Variants in EPHA6 observed in about 807,000 individuals in gnomAD.
EPHA6 encodes the protein EPH receptor A6, also known as ephrin type-A receptor 6.
In EPHA6, 50 loss-of-function variants were observed where a neutral mutation model predicts 112.0. The observed-to-expected ratio is 0.45, with a 90% CI of 0.36 to 0.56. EPHA6 has a LOEUF of 0.56. Ranked by LOEUF, EPHA6 falls within the 20% of genes least tolerant of loss-of-function variation. The pLI, the probability that EPHA6 is intolerant of heterozygous loss-of-function variation, is 0.00. For synonymous variants in EPHA6, 529 were observed against 490.7 expected, an observed-to-expected ratio of 1.08 and a Z score of -1.03; for missense variants, 1,280 against 1,417.4, an observed-to-expected ratio of 0.90 and a Z score of 1.56.
intron 5 of EPHA6, among the ~76,000 whole-genome samples, chr3:97,336,417 T>C (rs1159857162): frequency 6.6e-6 from 1 of 152,184 alleles, no homozygotes; most frequent in East Asian, 1.9e-4. Flanking sequence ...AAGAGCATTC[T>C]GCTGTCATTA....
chr3:97,646,620 G>A (rs982006883), intron 14 of EPHA6, among the ~76,000 whole-genome samples: 1 of 152,092 alleles, frequency 6.6e-6, no homozygotes, highest in African/African-American at 2.4e-5. Flanking sequence ...CATTCCATGA[G>A]GAAAACAGCA....
intron 6 of EPHA6, chr3:97,441,594 G>GA (rs199751412): frequency 3.4e-5 from 7 of 202,908 alleles, no homozygotes; most frequent in South Asian, 1.7e-4. Context: ...ATTGCAATAA[G>GA]AAAAAAAATA....
At chr3:97,614,453 G>C (rs1450794624) in intron 13 of EPHA6, among the ~76,000 whole-genome samples, 2 of 147,336 alleles carry the variant, frequency 1.4e-5, no homozygotes, top group African/African-American at 5.0e-5. Context: ...TCCTGCCTCA[G>C]CCTCCCAAGT....
At chr3:96,889,577 C>T (rs1450653472) in intron 2 of EPHA6, among the ~76,000 whole-genome samples, 2 of 152,100 alleles carry the variant, frequency 1.3e-5, no homozygotes, top group Non-Finnish European at 2.9e-5. Flanking sequence ...GGGAAACCAC[C>T]TCAATGATTC....
chr3:97,698,222 G>A (rs2033161086), intron 14 of EPHA6, among the ~76,000 whole-genome samples: 1 of 152,096 alleles, frequency 6.6e-6, no homozygotes, highest in Non-Finnish European at 1.5e-5. Context: ...GGCTGGTCTG[G>A]AACTCCTGAC....
At chr3:97,041,148 A>G (rs1431680577) in intron 3 of EPHA6, among the ~76,000 whole-genome samples, 2 of 152,182 alleles carry the variant, frequency 1.3e-5, no homozygotes, top group Admixed American at 1.3e-4. Context: ...GTCAAAAACA[A>G]CGAAATCAAT....
chr3:97,561,453 A>G (rs1018951059), intron 11 of EPHA6, among the ~76,000 whole-genome samples: 3 of 152,088 alleles, frequency 2.0e-5, no homozygotes, highest in Non-Finnish European at 4.4e-5. Flanking sequence ...AGATCAAACC[A>G]CAACATTCCC....
rs116504105 is a variant in EPHA6, at chr3:96,912,325, A to G, written c.450+45436A>G. Among the ~76,000 whole-genome samples, 800 of 152,298 alleles carry G rather than the reference A, an allele frequency of 5.3e-3. 7 individuals are homozygous for G. Among genetic ancestry groups the G allele is most frequent in the African/African-American group, 0.019 (781 of 41,570 alleles). ...CTGGGGTGAACATTCTGAGTAAGTCAGGAACTAATTGCCAATCAATAGTGA... is the reference window on the plus strand; with the variant it reads ...CTGGGGTGAACATTCTGAGTAAGTCGGGAACTAATTGCCAATCAATAGTGA... On this transcript the variant is annotated intron_variant, in intron 2 of 17. Transcript: ENST00000389672.
At chr3:96,931,093 T>C (rs2040302225) in intron 2 of EPHA6, among the ~76,000 whole-genome samples, 1 of 151,456 alleles carries the variant, frequency 6.6e-6, no homozygotes, top group African/African-American at 2.4e-5. Flanking sequence ...CTGATTGTTA[T>C]GGGTTTTCCA....
At chr3:97,260,163 G>C (rs2079453199) in intron 5 of EPHA6, among the ~76,000 whole-genome samples, 1 of 152,192 alleles carries the variant, frequency 6.6e-6, no homozygotes, top group Admixed American at 6.5e-5. Flanking sequence ...CTTTAGTTTA[G>C]AGGAGGAAAG....
intron 3 of EPHA6, among the ~76,000 whole-genome samples, chr3:97,152,771 G>A (rs1400723141): frequency 6.6e-6 from 1 of 152,106 alleles, no homozygotes; most frequent in Non-Finnish European, 1.5e-5. Context: ...AGGGCAATAA[G>A]AAGGAAAGCC....
At chr3:97,393,629 T>G (rs2086542382) in intron 5 of EPHA6, among the ~76,000 whole-genome samples, 1 of 151,762 alleles carries the variant, frequency 6.6e-6, no homozygotes, top group Admixed American at 6.6e-5. Flanking sequence ...ATTCTTTCAC[T>G]AATGTCTTAT....
chr3:97,190,842 A>AT (rs2077284852), intron 3 of EPHA6, among the ~76,000 whole-genome samples: 1 of 152,040 alleles, frequency 6.6e-6, no homozygotes, highest in South Asian at 2.1e-4. Flanking sequence ...CAATGTGCAC[A>AT]TGTACCCTAA....
intron 1 of EPHA6, among the ~76,000 whole-genome samples, chr3:96,848,743 G>A (rs999127202): frequency 5.9e-5 from 9 of 152,202 alleles, no homozygotes; most frequent in African/African-American, 2.2e-4. Context: ...CAGGGTAAAT[G>A]TGTCATGTTT....
chr3:97,363,226 ATATATATATAT>A (rs2084496399), intron 5 of EPHA6, among the ~76,000 whole-genome samples: 14 of 71,078 alleles, frequency 2.0e-4, no homozygotes, highest in South Asian at 1.7e-3. Flanking sequence ...ATATATATAT[ATATATATATAT>A]AAATCTCAGA....
intron 3 of EPHA6, among the ~76,000 whole-genome samples, chr3:97,013,577 A>G (rs1380312190): frequency 6.6e-6 from 1 of 152,184 alleles, no homozygotes; most frequent in Non-Finnish European, 1.5e-5. Flanking sequence ...GGAACACAGT[A>G]CTATTTATAA....
intron 5 of EPHA6, among the ~76,000 whole-genome samples, chr3:97,311,939 A>G (rs1286719501): frequency 6.6e-6 from 1 of 151,702 alleles, no homozygotes; most frequent in African/African-American, 2.4e-5. Flanking sequence ...TATCTCAACA[A>G]TATTTAGTCT....
intron 7 of EPHA6, among the ~76,000 whole-genome samples, chr3:97,471,724 C>G (rs1401826318): frequency 6.6e-6 from 1 of 151,704 alleles, no homozygotes; most frequent in Non-Finnish European, 1.5e-5. Flanking sequence ...ATGTGGATTA[C>G]TCCTGAACTT....
At chr3:96,897,712 AAAATT>A (rs1322487754) in intron 2 of EPHA6, among the ~76,000 whole-genome samples, 1 of 152,226 alleles carries the variant, frequency 6.6e-6, no homozygotes, top group African/African-American at 2.4e-5. Flanking sequence ...GGTGCTAACT[AAAATT>A]AAAGTGCAAT....
Sources: allele counts gnomAD v4.1 joint callset (sites outside exome capture counted in the v4.1 genomes callset), GRCh38; gene constraint gnomAD v4.1.1; transcripts MANE v1.5; gene names NCBI Gene and HGNC (gene_info 2026-07-23, HGNC 2026-07-21).